Variants in CTTNBP2 observed in about 807,000 individuals in gnomAD.
CTTNBP2 encodes cortactin binding protein 2.
In CTTNBP2, 108 loss-of-function variants were observed where a neutral mutation model predicts 156.9. The ratio of observed to expected loss-of-function variants is 0.69; its 90% CI spans 0.59 to 0.81. CTTNBP2 has a LOEUF of 0.81. Among genes scored for constraint, CTTNBP2 ranks in the 30% least tolerant of loss-of-function variants. The probability of loss-of-function intolerance (pLI) is 0.00; values close to 1 mark genes in which losing one functional copy is unlikely to be tolerated. For missense variants in CTTNBP2, 1,924 were observed against 2,035.4 expected, an observed-to-expected ratio of 0.95 and a Z score of 1.05; for synonymous variants, 767 against 751.8, an observed-to-expected ratio of 1.02 and a Z score of -0.33.
intron 2 of CTTNBP2, among the ~76,000 whole-genome samples, chr7:117,822,928 G>T (rs1801054378): frequency 6.6e-6 from 1 of 151,326 alleles, no homozygotes; most frequent in Non-Finnish European, 1.5e-5. Flanking sequence ...ACTGAGAGAG[G>T]TATTAAAAGC....
chr7:117,817,141 T>C (rs999203529), intron 2 of CTTNBP2, among the ~76,000 whole-genome samples: 4 of 150,736 alleles, frequency 2.7e-5, no homozygotes, highest in African/African-American at 9.8e-5. Flanking sequence ...ATCCAGACCA[T>C]CCTGGCTAAC....
In CTTNBP2 at chr7:117,780,469, G is replaced by A; in HGVS notation, c.2495C>T (p.Ala832Val). 2 of 1,588,052 alleles carry A rather than the reference G, an allele frequency of 1.3e-6. No homozygotes were observed. Among genetic ancestry groups the A allele is most frequent in the Non-Finnish European group, 1.7e-6 (2 of 1,169,720 alleles). The part of the protein sequence containing the change: ...NKECIKLLLE[A>V]GTNRSVKTTD... ...GGTTTTTACACTTCGATTGGTTCCA[G>A]CTTCCAACAAGAGTTTAATACATTC... is the stretch of plus-strand genomic sequence containing the variant. Residue 832 changes from alanine (A) to valine (V), a missense_variant, in exon 7 of 23, where the codon GCT (alanine) becomes GTT (valine). Ala to Val is a moderately conservative substitution (Grantham distance 64, BLOSUM62 0). Coordinates refer to ENST00000160373, the MANE Select transcript of CTTNBP2 (RefSeq NM_033427.3).
rs777821331 is a variant in CTTNBP2, at chr7:117,735,410, G to A, written c.3547C>T (p.Pro1183Ser). 3.7e-6 allele frequency: 6 copies of A among 1,608,570 alleles called. No homozygotes were observed. Among genetic ancestry groups the A allele is most frequent in the Non-Finnish European group, 4.2e-6 (5 of 1,178,496 alleles). ...TTCTTACTGGGAGATTGTTTCACTG[G>A]GATCAGACAAGCTATAATAAAAAAG... Reference protein sequence around the residue: ...DLFISSACLIPVKQSPSKKKI... With the variant: ...DLFISSACLISVKQSPSKKKI... The change falls in exon 15 of 23, where the codon CCA becomes TCA. Residue 1183 changes from proline (P) to serine (S), a missense_variant. Transcript: ENST00000160373.
chr7:117,734,910 T>TA lies in CTTNBP2; in HGVS notation c.3876+2dup. 6.3e-7 allele frequency: 1 copy of TA among 1,583,464 alleles called. No individual in the cohort carries two copies. The highest frequency in any genetic ancestry group is 8.6e-7 in the Non-Finnish European group (1 of 1,160,508). On this transcript the variant is annotated splice_region_variant and intron_variant, in intron 16 of 22. Coordinates refer to ENST00000160373, the MANE Select transcript of CTTNBP2 (RefSeq NM_033427.3). ...GCAACAGGCTGCACTTGCTGTTTGT[T>TA]ACCTTATTCACAACTTTCCTTCGTA...
chr7:117,743,913 A>G (rs1796166707), intron 14 of CTTNBP2, among the ~76,000 whole-genome samples: 1 of 151,984 alleles, frequency 6.6e-6, no homozygotes, highest in Non-Finnish European at 1.5e-5. Context: ...CCTGTGTAGT[A>G]CAGTGATATT....
intron 11 of CTTNBP2, 41 bp downstream of exon 11, chr7:117,757,834 A>G (rs1796970826): frequency 7.2e-7 from 1 of 1,395,134 alleles, no homozygotes; most frequent in African/African-American, 1.4e-5. Flanking sequence ...GCCATGAAGC[A>G]AACACTCTTT....
At chr7:117,819,113 T>C (rs1180432567) in intron 2 of CTTNBP2, among the ~76,000 whole-genome samples, 2 of 152,072 alleles carry the variant, frequency 1.3e-5, no homozygotes, top group Non-Finnish European at 2.9e-5. Flanking sequence ...ACAGTCAACA[T>C]AAAAATTTAT....
In CTTNBP2 at chr7:117,791,478, G is replaced by C; in HGVS notation, c.1718C>G (p.Ser573Trp). The C allele has an allele frequency of 6.2e-7, 1 of 1,614,222 alleles. No individual in the cohort carries two copies. Among genetic ancestry groups the C allele is most frequent in the Non-Finnish European group, 8.5e-7 (1 of 1,180,036 alleles). Reference sequence around the variant, plus strand: ...GTTATCAACTTTGGCCCCTGTGTTCGAGGCCCTGCTGCTGTCTATAATAAC... The same window carrying C: ...GTTATCAACTTTGGCCCCTGTGTTCCAGGCCCTGCTGCTGTCTATAATAAC... The part of the protein sequence containing the change: ...LKVIIDSSRA[S>W]NTGAKVDNKT... The change falls in exon 4 of 23, where the codon TCG becomes TGG. Residue 573 changes from serine (S) to tryptophan (W), a missense_variant. Transcript: ENST00000160373.
chr7:117,725,781 G>C (rs1199726319), intron 17 of CTTNBP2, among the ~76,000 whole-genome samples: 1 of 152,050 alleles, frequency 6.6e-6, no homozygotes, highest in Non-Finnish European at 1.5e-5. Context: ...TCTGCCTCTT[G>C]GGTTCAAGTG....
chr7:117,817,361 A>ATAAATAAATAAATATATATAT (rs1298639361), intron 2 of CTTNBP2, among the ~76,000 whole-genome samples: 1 of 53,286 alleles, frequency 1.9e-5, no homozygotes. Flanking sequence ...AAAAAAAAAA[A>ATAAATAAATAAATATATATAT]ATATATATAT....
chr7:117,850,521 A>G (rs1384722347), intron 2 of CTTNBP2, among the ~76,000 whole-genome samples: 1 of 152,244 alleles, frequency 6.6e-6, no homozygotes, highest in Non-Finnish European at 1.5e-5. Flanking sequence ...AGGAGAGATC[A>G]AAAGGAGACA....
At chr7:117,811,927 T>C (rs943783350) in intron 2 of CTTNBP2, among the ~76,000 whole-genome samples, 14 of 140,120 alleles carry the variant, frequency 1.0e-4, no homozygotes, top group South Asian at 2.2e-4. Context: ...AATGTAAAAA[T>C]TTTAATTAAA....
At chr7:117,732,820 C>A (rs890229401) in intron 16 of CTTNBP2, among the ~76,000 whole-genome samples, 1 of 151,848 alleles carries the variant, frequency 6.6e-6, no homozygotes, top group African/African-American at 2.4e-5. Flanking sequence ...CAAGGAAAAA[C>A]AAAAAAATGA....
chr7:117,873,349 C>T lies in CTTNBP2; in HGVS notation c.67G>A (p.Ala23Thr), dbSNP rs547583096. 3 of 1,453,220 alleles carry T rather than the reference C, an allele frequency of 2.1e-6. No homozygotes were observed. In the African/African-American group the frequency reaches 4.4e-5, roughly 21 times the overall value. 90.0% of individuals were successfully genotyped at this position (1,453,220 alleles called of 1,614,324 possible). A position where few individuals can be genotyped will look rare whatever the true frequency, so the allele number is the denominator to read the frequency against. ...SRAPEDAAGA[A>T]AEAAKKEFDV... The stretch of plus-strand genomic sequence containing the variant: ...AACTCGGTTACCGCCGCCTCCGCCG[C>T]GGCCCCCGCCGCGTCCTCCGGGGCC... The change falls in exon 1 of 23, where the codon GCG becomes ACG. Residue 23 changes from alanine to threonine, a missense_variant. Transcript: ENST00000160373.
intron 3 of CTTNBP2, among the ~76,000 whole-genome samples, chr7:117,809,480 C>T (rs1285025189): frequency 6.6e-6 from 1 of 152,170 alleles, no homozygotes; most frequent in Admixed American, 6.5e-5. Context: ...AGCTGAAATT[C>T]ATTGGCTCTT....
intron 2 of CTTNBP2, among the ~76,000 whole-genome samples, chr7:117,851,741 C>G (rs1411867763): frequency 1.3e-5 from 2 of 152,182 alleles, no homozygotes; most frequent in Non-Finnish European, 2.9e-5. Flanking sequence ...TATTCCCATA[C>G]AGGCACAAAA....
chr7:117,785,146 C>A (rs924804027), intron 4 of CTTNBP2, among the ~76,000 whole-genome samples: 1 of 152,160 alleles, frequency 6.6e-6, no homozygotes, highest in African/African-American at 2.4e-5. Context: ...ATCTGGCCAC[C>A]TTTACAAAAT....
At chr7:117,762,600 C>T (rs1448471813) in intron 9 of CTTNBP2, among the ~76,000 whole-genome samples, 4 of 152,210 alleles carry the variant, frequency 2.6e-5, no homozygotes, top group Non-Finnish European at 5.9e-5. Flanking sequence ...ATACCATATG[C>T]ATGTACTAAC....
At chr7:117,721,006 T>C in intron 20 of CTTNBP2, 61 bp downstream of exon 20, 1 of 1,007,754 alleles carries the variant, frequency 9.9e-7, no homozygotes, top group South Asian at 1.3e-5. Context: ...TTTAAAATAG[T>C]AATTGAAGTT....
Sources: allele counts gnomAD v4.1 joint callset (sites outside exome capture counted in the v4.1 genomes callset), GRCh38; gene constraint gnomAD v4.1.1; transcripts MANE v1.5; gene names NCBI Gene and HGNC (gene_info 2026-07-23, HGNC 2026-07-21).